Variants in VPS13C observed in about 807,000 individuals in gnomAD.
The protein encoded by VPS13C is vacuolar protein sorting 13 homolog C.
VPS13C carries 358 observed loss-of-function variants against 456.8 expected under a neutral mutation model. That is an observed-to-expected ratio of 0.78 (90% CI 0.72 to 0.86). VPS13C has a LOEUF of 0.86. VPS13C is among the 40% of genes least tolerant of loss of function. The pLI is 0.00. For synonymous variants in VPS13C, 1,578 were observed against 1,486.7 expected (o/e 1.06, Z -1.41); for missense variants, 4,818 against 4,385.4 (o/e 1.10, Z -2.79).
chr15:62,042,719 A>C (rs1192196506), intron 2 of VPS13C, among the ~76,000 whole-genome samples: 2 of 152,066 alleles, frequency 1.3e-5, no homozygotes, highest in Non-Finnish European at 2.9e-5. Flanking sequence ...AAAAGTAAAA[A>C]TTCATCAATT....
chr15:61,930,338 T>G (rs1289314579), intron 50 of VPS13C, among the ~76,000 whole-genome samples: 1 of 152,108 alleles, frequency 6.6e-6, no homozygotes, highest in Non-Finnish European at 1.5e-5. Context: ...GGGAGAGCTG[T>G]GGACAGCTAC....
chr15:61,956,256 G>A (rs1027605027), intron 37 of VPS13C, among the ~76,000 whole-genome samples: 2 of 151,054 alleles, frequency 1.3e-5, no homozygotes, highest in African/African-American at 2.4e-5. Flanking sequence ...GTTCTCACTC[G>A]TAAGTGGGAG....
In VPS13C at chr15:62,014,010, A is replaced by T. The variant is rs779382680; in HGVS notation, c.685-18T>A. ...TTTGCAGTCTAAAAGAAAAAAGGGA[A>T]TACCTGTGAAACGTGGTATGGATGT... is the stretch of plus-strand genomic sequence containing the variant. On this transcript the variant is annotated intron_variant, in intron 9 of 84. Transcript: ENST00000644861. 8 of 1,600,444 alleles carry T rather than the reference A, an allele frequency of 5.0e-6. No homozygotes were observed. The South Asian group carries it at 8.9e-5, about 18-fold the overall frequency.
At chr15:61,941,232 C>T (rs965875773) in intron 46 of VPS13C, among the ~76,000 whole-genome samples, 1 of 152,092 alleles carries the variant, frequency 6.6e-6, no homozygotes, top group African/African-American at 2.4e-5. Flanking sequence ...AAAAGTTAAA[C>T]GAACATACGG....
chr15:61,944,117 G>A (rs2044525020), intron 45 of VPS13C, among the ~76,000 whole-genome samples: 1 of 152,096 alleles, frequency 6.6e-6, no homozygotes, highest in Non-Finnish European at 1.5e-5. Context: ...CAGAATGGCT[G>A]TTATTAAAAA....
At chr15:61,863,655 A>G (rs760503974) in intron 81 of VPS13C, 127 bp from the exon 82 acceptor site, 4 of 545,696 alleles carry the variant, frequency 7.3e-6, no homozygotes, top group Non-Finnish European at 1.3e-5. Flanking sequence ...GCACAATTCT[A>G]CATATTGGTA....
At chr15:62,058,488 T>C (rs563912183) in intron 1 of VPS13C, among the ~76,000 whole-genome samples, 1 of 151,982 alleles carries the variant, frequency 6.6e-6, no homozygotes. Flanking sequence ...AATTCAGCAA[T>C]AAAAAAATGC....
intron 1 of VPS13C, 64 bp downstream of exon 1, chr15:62,060,211 G>C (rs1225733911): frequency 1.1e-6 from 1 of 933,000 alleles, no homozygotes; most frequent in African/African-American, 1.7e-5. Flanking sequence ...CAGAATCCCG[G>C]ACGGAGCAGC....
intron 75 of VPS13C, among the ~76,000 whole-genome samples, 198 bp downstream of exon 75, chr15:61,876,775 G>T (rs1895455028): frequency 6.6e-6 from 1 of 151,896 alleles, no homozygotes; most frequent in Non-Finnish European, 1.5e-5. Context: ...AAAGGAACTG[G>T]AGGAAAATTT....
At chr15:61,885,823 T>A (rs1457934802) in intron 67 of VPS13C, among the ~76,000 whole-genome samples, 1 of 152,154 alleles carries the variant, frequency 6.6e-6, no homozygotes, top group Non-Finnish European at 1.5e-5. Flanking sequence ...TTGAAAATAT[T>A]CTCACCTGTA....
At chr15:61,972,791 C>T (rs1369039154) in intron 26 of VPS13C, 27 bp from the exon 27 acceptor site, 6 of 1,591,442 alleles carry the variant, frequency 3.8e-6, no homozygotes, top group African/African-American at 1.3e-5. Context: ...TTTATTTGAT[C>T]TGAGACAATG....
chr15:62,053,321 T>C (rs189095705), intron 1 of VPS13C, among the ~76,000 whole-genome samples: 4 of 152,210 alleles, frequency 2.6e-5, no homozygotes, highest in Admixed American at 2.6e-4. Flanking sequence ...AAGAGCTGCT[T>C]TTTCTTTCAT....
At chr15:62,023,661 C>A in intron 7 of VPS13C, 119 bp downstream of exon 7, 1 of 1,185,708 alleles carries the variant, frequency 8.4e-7, no homozygotes, top group South Asian at 1.5e-5. Flanking sequence ...TATGCATTTC[C>A]AACTTAAAAC....
In VPS13C at chr15:61,868,666, A is replaced by G. The variant is rs754943523; in HGVS notation, c.10856T>C (p.Leu3619Ser). ...YDRQESEGSDLLENHIKKLEG... is the reference protein window; with the variant it reads ...YDRQESEGSDSLENHIKKLEG... ...ATGAAGAACAAAATTTACCTCAAGT[A>G]AGTCAGAGCCCTCAGATTCCTGTCT... Residue 3619 changes from leucine to serine, a missense_variant, in exon 81 of 85, where the codon TTA (leucine) becomes TCA (serine). This residue lies in a region of VPS13C where 261 missense variants were observed against 234.1 expected (regional missense o/e 1.11). Transcript: ENST00000644861. 1 of 1,614,006 alleles carries G rather than the reference A, an allele frequency of 6.2e-7. No homozygotes were observed. The highest frequency in any genetic ancestry group is 2.2e-5 in the East Asian group (1 of 44,864).
intron 66 of VPS13C, among the ~76,000 whole-genome samples, chr15:61,896,559 C>T (rs1297189700): frequency 5.3e-5 from 8 of 152,156 alleles, no homozygotes; most frequent in South Asian, 2.1e-4. Context: ...TAAAAAACGG[C>T]GCACCACGAG....
At chr15:62,000,522 TAACATGTTTAA>T in intron 16 of VPS13C, 31 bp downstream of exon 16, 1 of 1,566,604 alleles carries the variant, frequency 6.4e-7, no homozygotes, top group Non-Finnish European at 8.7e-7. Flanking sequence ...AAGCGGGCAT[TAACATGTTTAA>T]AACATAAAAT....
intron 9 of VPS13C, among the ~76,000 whole-genome samples, chr15:62,017,329 C>T (rs1245710038): frequency 6.6e-6 from 1 of 152,044 alleles, no homozygotes; most frequent in African/African-American, 2.4e-5. Context: ...GTTGCCATTG[C>T]TTTTGGTGTT....
intron 82 of VPS13C, chr15:61,856,659 A>C: frequency 3.4e-6 from 1 of 290,050 alleles, no homozygotes. Flanking sequence ...AATTCAGAAA[A>C]GTGTAACTTT....
chr15:61,870,008 G>T (rs1008013134), intron 79 of VPS13C, among the ~76,000 whole-genome samples: 2 of 152,066 alleles, frequency 1.3e-5, no homozygotes, highest in Non-Finnish European at 2.9e-5. Flanking sequence ...AATGCTGACC[G>T]TTAGATTTTT....
Sources: gnomAD v4.1 joint callset for allele counts (sites outside exome capture counted in the v4.1 genomes callset) on GRCh38, gnomAD v4.1.1 for gene constraint, gnomAD v4.1.1 regional missense constraint, MANE v1.5 for transcripts, NCBI Gene and HGNC (gene_info 2026-07-23, HGNC 2026-07-21) for gene names.